AP1M2: variants seen among roughly 807,000 people sequenced by gnomAD.
AP1M2 encodes the protein adaptor related protein complex 1 subunit mu 2, also known as AP-1 complex subunit mu-2.
Under a neutral mutation model 54.6 loss-of-function variants are expected in AP1M2, and 41 were observed. That is an observed-to-expected ratio of 0.75 (90% CI 0.59 to 0.97). The LOEUF (loss-of-function observed/expected upper bound fraction) is 0.97. Ranked by LOEUF, AP1M2 falls within the 50% of genes least tolerant of loss-of-function variation. AP1M2 has a pLI of 0.00. For synonymous variants in AP1M2, 219 were observed against 215.9 expected (o/e 1.01, Z -0.13); for missense variants, 507 against 561.2 (o/e 0.90, Z 0.98).
At chr19:10,585,283 A>AAAGAAAGAAAGAAGGAAGGAAGGAAAG (rs1568434699) in intron 1 of AP1M2, among the ~76,000 whole-genome samples, 5 of 104,634 alleles carry the variant, frequency 4.8e-5, no homozygotes, top group South Asian at 6.4e-4. Context: ...AAAGAAGAAA[A>AAAGAAAGAAAGAAGGAAGGAAGGAAAG]AAAGAAAGAA....
intron 11 of AP1M2, 65 bp from the exon 12 acceptor site, chr19:10,573,153 T>G (rs1917113706): frequency 2.8e-6 from 4 of 1,453,026 alleles, no homozygotes; most frequent in Non-Finnish European, 3.8e-6. Context: ...GCACGGTGAC[T>G]CACGCTTATA....
At chr19:10,580,681 T>C (rs771448789) in intron 6 of AP1M2, among the ~76,000 whole-genome samples, 1 of 150,204 alleles carries the variant, frequency 6.7e-6, no homozygotes, top group Non-Finnish European at 1.5e-5. Flanking sequence ...AATCAGTCAA[T>C]AAATAAGATG....
chr19:10,584,836 G>C (rs537886341), intron 1 of AP1M2: 2 of 152,062 alleles, frequency 1.3e-5, no homozygotes, highest in East Asian at 3.9e-4. Flanking sequence ...GGAAACTGGG[G>C]ATTGATCTAA....
At chr19:10,576,911 CTA>C (rs929112914) in intron 9 of AP1M2, among the ~76,000 whole-genome samples, 1 of 151,874 alleles carries the variant, frequency 6.6e-6, no homozygotes, top group Admixed American at 6.6e-5. Context: ...TTAGCCGTCT[CTA>C]TGTTAGCCAG....
intron 1 of AP1M2, among the ~76,000 whole-genome samples, chr19:10,585,283 AAAAGAAAGAAAGAAAGAAAG>A (rs71297575): frequency 3.4e-4 from 36 of 104,632 alleles, no homozygotes; most frequent in African/African-American, 5.0e-4. Context: ...AAAGAAGAAA[AAAAGAAAGAAAGAAAGAAAG>A]AAAGAAAGAA....
chr19:10,587,136 C>T, intron 1 of AP1M2, 54 bp downstream of exon 1: 3 of 1,543,240 alleles, frequency 1.9e-6, no homozygotes, highest in South Asian at 2.4e-5. Flanking sequence ...CCCCTGAATC[C>T]CTGGGAGCGA....
chr19:10,578,958 C>T lies in AP1M2; in HGVS notation c.822G>A (p.Lys274=), dbSNP rs1963686706. 2 of 1,602,374 alleles carry T rather than the reference C, an allele frequency of 1.2e-6. No individual in the cohort carries two copies. Among genetic ancestry groups the T allele is most frequent in the Non-Finnish European group, 1.7e-6 (2 of 1,174,276 alleles). The change falls in exon 8 of 12, where the codon AAG becomes AAA. Residue 274 remains lysine (K), a synonymous_variant. Coordinates refer to ENST00000250244, the MANE Select transcript of AP1M2 (RefSeq NM_005498.5). ...TGACAGACTCAATCCAGATCAGTGG[C>T]TTGACCTGTGGGAAGAAGAAGGGGA... ...LMSYRLSTQV[K]PLIWIESVIE...
chr19:10,572,729 G>C lies in AP1M2; in HGVS notation c.*337C>G, dbSNP rs1917096444. 3 of 272,520 alleles carry C rather than the reference G, an allele frequency of 1.1e-5. No individual in the cohort carries two copies. The South Asian group carries it at 1.9e-4, about 17-fold the overall frequency. The allele number at this position is 272,520 out of a possible 1,614,324, so 16.9% of individuals were successfully genotyped here. A position where few individuals can be genotyped will look rare whatever the true frequency, so the allele number is the denominator to read the frequency against. On this transcript the variant is annotated 3_prime_UTR_variant, in exon 12 of 12. Coordinates refer to ENST00000250244, the MANE Select transcript of AP1M2 (RefSeq NM_005498.5). ...AGAGGAGGGGCCAGCGGGACCTCTG[G>C]GCTCAGCGGCTGTGAAGGAGGGACC...
rs924291220 is a variant in AP1M2 at position 10,587,210 on chromosome 19, T to G, written c.22A>C (p.Ile8Leu). ...CTCACCTTGCCCTTAACGTCCAGAA[T>G]GAAGACAGCCGAGGCGGACATGGTG... MSASAVF[I>L]LDVKGKPLIS... Residue 8 changes from isoleucine (I) to leucine (L), a missense_variant, in exon 1 of 12, where the codon ATT becomes CTT. Coordinates refer to ENST00000250244, the MANE Select transcript of AP1M2 (RefSeq NM_005498.5). The G allele has an allele frequency of 6.4e-7, 1 of 1,562,304 alleles. No homozygotes were observed. Among genetic ancestry groups the G allele is most frequent in the Non-Finnish European group, 8.7e-7 (1 of 1,153,340 alleles).
intron 6 of AP1M2, among the ~76,000 whole-genome samples, chr19:10,580,209 C>A (rs1917394125): frequency 1.3e-5 from 2 of 152,026 alleles, no homozygotes; most frequent in Admixed American, 1.3e-4. Flanking sequence ...GTGCTACCAC[C>A]CCCGGCTAAT....
rs1917549426 is a variant in AP1M2, at chr19:10,583,952, T to C, written c.161A>G (p.Gln54Arg). Residue 54 changes from glutamine to arginine, a missense_variant, in exon 2 of 12, where the codon CAG becomes CGG. Coordinates refer to ENST00000250244, the MANE Select transcript of AP1M2 (RefSeq NM_005498.5). ...GTGTTTGATCCATAGGAAGTGGACC[T>C]GGCCGTGGCTCAGCAGCGGGGCCAG... is the stretch of plus-strand genomic sequence containing the variant. ...GALAPLLSHG[Q>R]VHFLWIKHSN... The C allele has an allele frequency of 1.2e-6, 2 of 1,602,546 alleles. No homozygotes were observed. The highest frequency in any genetic ancestry group is 1.7e-6 in the Non-Finnish European group (2 of 1,174,862).
In AP1M2 at chr19:10,587,248, C is replaced by T. The variant is rs199650771; in HGVS notation, c.-17G>A. On this transcript the variant is annotated 5_prime_UTR_variant, in exon 1 of 12. Coordinates refer to ENST00000250244, the MANE Select transcript of AP1M2 (RefSeq NM_005498.5). ...GGCGGACATGGTGGCGGCCGAAGGACTTAGGAGTCGGGGAGGGAGCGCCGG... is the reference window on the plus strand; with the variant it reads ...GGCGGACATGGTGGCGGCCGAAGGATTTAGGAGTCGGGGAGGGAGCGCCGG... 1.0e-5 allele frequency: 16 copies of T among 1,562,116 alleles called. No individual in the cohort carries two copies. In the African/African-American group the frequency reaches 1.6e-4, roughly 16 times the overall value.
At chr19:10,582,089 G>C (rs1478206100) in intron 3 of AP1M2, among the ~76,000 whole-genome samples, 1 of 151,860 alleles carries the variant, frequency 6.6e-6, no homozygotes, top group African/African-American at 2.4e-5. Context: ...TGTCACCCAG[G>C]CTGGAGTGCA....
At chr19:10,576,185 G>A (rs181183434) in intron 9 of AP1M2, among the ~76,000 whole-genome samples, 78 of 147,960 alleles carry the variant, frequency 5.3e-4, no homozygotes, top group Admixed American at 3.2e-3. Flanking sequence ...TCCGCCTCCC[G>A]GGTTCAAGTG....
Position 10,574,960 on chromosome 19 carries a change from G to C in AP1M2, c.1117C>G (p.Arg373Gly). The change falls in exon 10 of 12, where the codon CGG (arginine) becomes GGG (glycine). Residue 373 changes from arginine to glycine, a missense_variant. Physicochemically the swap from Arg to Gly is moderately radical, Grantham distance 125. Transcript: ENST00000250244. ...PSVEKEEVEG[R>G]PPIGVKFEIP... ...TCAAACTTGACCCCGATGGGGGGCC[G>C]GCCCTCCACCTCTTCCTTTTCCACA... 1.3e-6 allele frequency: 2 copies of C among 1,589,794 alleles called. No individual in the cohort carries two copies. Among genetic ancestry groups the C allele is most frequent in the Non-Finnish European group, 1.7e-6 (2 of 1,166,512 alleles).
At chr19:10,587,009 G>A in intron 1 of AP1M2, 181 bp downstream of exon 1, 1 of 598,488 alleles carries the variant, frequency 1.7e-6, no homozygotes, top group Non-Finnish European at 2.9e-6. Flanking sequence ...TGAGGCCCTA[G>A]GAGGCGAACC....
chr19:10,578,675 C>G (rs1478837139), intron 8 of AP1M2, among the ~76,000 whole-genome samples: 1 of 151,940 alleles, frequency 6.6e-6, no homozygotes, highest in East Asian at 1.9e-4. Flanking sequence ...CCTCAGCCTC[C>G]CAACTAACTG....
chr19:10,576,118 GT>G (rs1307133334), intron 9 of AP1M2, among the ~76,000 whole-genome samples: 1 of 145,244 alleles, frequency 6.9e-6, no homozygotes, highest in Non-Finnish European at 1.5e-5. Flanking sequence ...TTGAGACAGA[GT>G]TTCACTCTGT....
chr19:10,573,145 A>G (rs1917113253), intron 11 of AP1M2, 57 bp from the exon 12 acceptor site: 1 of 1,470,280 alleles, frequency 6.8e-7, no homozygotes, highest in Non-Finnish European at 9.3e-7. Flanking sequence ...GGGGCCGGGC[A>G]CGGTGACTCA....
Sources: gnomAD v4.1 joint callset for allele counts (sites outside exome capture counted in the v4.1 genomes callset) on GRCh38, gnomAD v4.1.1 for gene constraint, MANE v1.5 for transcripts, NCBI Gene and HGNC (gene_info 2026-07-23, HGNC 2026-07-21) for gene names.